ARHGEF3: variants seen among roughly 807,000 people sequenced by gnomAD.
The protein encoded by ARHGEF3 is Rho guanine nucleotide exchange factor 3.
A neutral mutation model predicts 63.2 loss-of-function variants in ARHGEF3; 28 were observed. The ratio of observed to expected loss-of-function variants is 0.44; its 90% CI spans 0.33 to 0.61. The LOEUF (loss-of-function observed/expected upper bound fraction) is 0.61, where lower values mean the gene tolerates loss of function less well. Among genes scored for constraint, ARHGEF3 ranks in the 20% least tolerant of loss-of-function variants. The probability of loss-of-function intolerance (pLI) is 0.03; values close to 1 mark genes in which losing one functional copy is unlikely to be tolerated. For missense variants in ARHGEF3, 533 were observed against 659.3 expected (o/e 0.81, Z 2.10); for synonymous variants, 266 against 254.2 (o/e 1.05, Z -0.44).
chr3:57,000,308 TCC>T (rs1491151585), intron 2 of ARHGEF3, among the ~76,000 whole-genome samples: 828 of 27,190 alleles, frequency 0.03, 13 homozygotes, highest in Middle Eastern at 0.083. Flanking sequence ...AGAGGGTAAC[TCC>T]CACACACACA....
chr3:56,771,042 G>A (rs898507632), intron 2 of ARHGEF3, among the ~76,000 whole-genome samples: 4 of 151,874 alleles, frequency 2.6e-5, no homozygotes, highest in Non-Finnish European at 5.9e-5. Context: ...GAACCCGAGA[G>A]GTGGAGGTTG....
chr3:56,932,051 T>C (rs933168876), intron 3 of ARHGEF3, among the ~76,000 whole-genome samples: 5 of 152,308 alleles, frequency 3.3e-5, no homozygotes, highest in East Asian at 3.9e-4. Flanking sequence ...CACAAACATA[T>C]GTGATGCCAT....
At chr3:56,827,774 C>CAA (rs2038782108) in intron 4 of ARHGEF3, among the ~76,000 whole-genome samples, 1 of 56,810 alleles carries the variant, frequency 1.8e-5, no homozygotes. Context: ...AAAAAAAAAA[C>CAA]AGAAAAGAAA....
intron 2 of ARHGEF3, among the ~76,000 whole-genome samples, chr3:56,992,375 T>TCAAAAAA (rs1701783908): frequency 2.2e-5 from 1 of 46,136 alleles, no homozygotes; most frequent in Admixed American, 2.9e-4. Context: ...AGGATGGCTT[T>TCAAAAAA]AAAAAAAAAA....
intron 3 of ARHGEF3, among the ~76,000 whole-genome samples, chr3:56,926,666 CATGGATA>C (rs1300690216): frequency 2.0e-5 from 3 of 152,202 alleles, no homozygotes; most frequent in African/African-American, 7.2e-5. Flanking sequence ...AGAGCTCTCA[CATGGATA>C]ATTTATGGAG....
intron 1 of ARHGEF3, among the ~76,000 whole-genome samples, chr3:57,061,496 T>C (rs1386599255): frequency 6.6e-6 from 1 of 152,162 alleles, no homozygotes; most frequent in African/African-American, 2.4e-5. Flanking sequence ...TAAATAATAT[T>C]CCATTGTATG....
intron 1 of ARHGEF3, among the ~76,000 whole-genome samples, chr3:57,063,802 G>T (rs936595051): frequency 6.6e-6 from 1 of 152,228 alleles, no homozygotes; most frequent in African/African-American, 2.4e-5. Context: ...TATCTGGGGA[G>T]AGGGGAGTGG....
In ARHGEF3 at chr3:56,759,533, T is replaced by C. The variant is rs1360529751; in HGVS notation, c.205-4382A>G. Reference sequence around the variant, plus strand: ...GAAATTTACATAACTCAATTACTTTTTCGTTGTTGTTTTTTTGGAGATGGG... The same window carrying C: ...GAAATTTACATAACTCAATTACTTTCTCGTTGTTGTTTTTTTGGAGATGGG... On this transcript the variant is annotated intron_variant, in intron 2 of 9. Transcript: ENST00000296315. Among the ~76,000 whole-genome samples, 4 of 152,088 alleles carry C rather than the reference T, an allele frequency of 2.6e-5. No individual in the cohort carries two copies. In the South Asian group the frequency reaches 6.2e-4, roughly 24 times the overall value.
rs528341354 is a variant in ARHGEF3 at position 56,953,514 on chromosome 3, G to C, written c.129+5309C>G. On this transcript the variant is annotated intron_variant, in intron 3 of 12. Transcript: ENST00000338458. ...GGTAACAACACCAAACTCTTTCTTTGAGCAGCTGCCCCTTCCCCACCTCAA... is the reference window on the plus strand; with the variant it reads ...GGTAACAACACCAAACTCTTTCTTTCAGCAGCTGCCCCTTCCCCACCTCAA... 3.3e-5 allele frequency among the ~76,000 whole-genome samples: 5 copies of C among 152,204 alleles called. No individual in the cohort carries two copies. The South Asian group carries it at 1.0e-3, about 32-fold the overall frequency.
chr3:56,996,568 A>T (rs1437888938), intron 2 of ARHGEF3, among the ~76,000 whole-genome samples: 1 of 152,210 alleles, frequency 6.6e-6, no homozygotes, highest in African/African-American at 2.4e-5. Context: ...GAACGAGGAA[A>T]TGGGCCCTCA....
intron 2 of ARHGEF3, among the ~76,000 whole-genome samples, chr3:56,755,482 T>A (rs1393397598): frequency 6.6e-6 from 1 of 152,202 alleles, no homozygotes; most frequent in Non-Finnish European, 1.5e-5. Flanking sequence ...AGTGGACATC[T>A]CCCCTCTTTA....
At chr3:56,934,734 G>GC (rs1279224064) in intron 3 of ARHGEF3, among the ~76,000 whole-genome samples, 12 of 152,342 alleles carry the variant, frequency 7.9e-5, no homozygotes, top group African/African-American at 2.6e-4. Context: ...AGCCCGCCGT[G>GC]CCTGAGCCTC....
chr3:56,783,717 T>A (rs779924408), intron 1 of ARHGEF3, among the ~76,000 whole-genome samples: 10 of 152,200 alleles, frequency 6.6e-5, no homozygotes, highest in Non-Finnish European at 1.3e-4. Context: ...ACAAAACCAC[T>A]GTTTCAGACG....
intron 2 of ARHGEF3, among the ~76,000 whole-genome samples, chr3:56,983,700 G>A (rs920018229): frequency 6.6e-6 from 1 of 152,162 alleles, no homozygotes; most frequent in Non-Finnish European, 1.5e-5. Context: ...CACTTTGGGA[G>A]CCAGAGGCGG....
chr3:56,813,905 G>A (rs1440686847), intron 4 of ARHGEF3, among the ~76,000 whole-genome samples: 8 of 151,520 alleles, frequency 5.3e-5, no homozygotes, highest in African/African-American at 1.9e-4. Context: ...TCCAGTTTCT[G>A]AGCTCAGTAG....
At chr3:56,737,425 T>G in intron 7 of ARHGEF3, 70 bp from the exon 8 acceptor site, 1 of 1,374,118 alleles carries the variant, frequency 7.3e-7, no homozygotes, top group Non-Finnish European at 1.0e-6. Context: ...TCTTAGGGGC[T>G]CAGCCTAGAA....
At chr3:56,780,908 C>G (rs561859475) in intron 1 of ARHGEF3, among the ~76,000 whole-genome samples, 1 of 152,250 alleles carries the variant, frequency 6.6e-6, no homozygotes, top group South Asian at 2.1e-4. Context: ...AATTATGCCC[C>G]CACTGAAAGA....
intron 1 of ARHGEF3, among the ~76,000 whole-genome samples, chr3:57,062,439 TC>T (rs1705274884): frequency 6.6e-6 from 1 of 152,034 alleles, no homozygotes; most frequent in Admixed American, 6.6e-5. Context: ...CAGGCTAGGC[TC>T]AGGAGCACGG....
intron 2 of ARHGEF3, among the ~76,000 whole-genome samples, chr3:56,980,320 C>T (rs951275564): frequency 6.6e-6 from 1 of 152,094 alleles, no homozygotes; most frequent in African/African-American, 2.4e-5. Flanking sequence ...AATTATTAAA[C>T]ACAAAGCCTG....
Sources: allele counts gnomAD v4.1 joint callset (sites outside exome capture counted in the v4.1 genomes callset), GRCh38; gene constraint gnomAD v4.1.1; transcripts MANE v1.5; gene names NCBI Gene and HGNC (gene_info 2026-07-23, HGNC 2026-07-21).